HMMR: variants seen among roughly 807,000 people sequenced by gnomAD.
HMMR encodes the protein intracellular hyaluronic acid-binding protein.
A neutral mutation model predicts 101.0 loss-of-function variants in HMMR; 108 were observed. That is an observed-to-expected ratio of 1.07 (90% confidence interval 0.92 to 1.25). The LOEUF is 1.25. Among genes scored for constraint, HMMR ranks in the 50% most tolerant of loss-of-function variants. The pLI, the probability that HMMR is intolerant of heterozygous loss-of-function variation, is 0.00. For synonymous variants in HMMR, 296 were observed against 276.4 expected, an observed-to-expected ratio of 1.07 and a Z score of -0.70; for missense variants, 813 against 788.7, an observed-to-expected ratio of 1.03 and a Z score of -0.37.
intron 11 of HMMR, among the ~76,000 whole-genome samples, chr5:163,477,888 T>C (rs1023618906): frequency 6.6e-6 from 1 of 152,166 alleles, no homozygotes; most frequent in South Asian, 2.1e-4. Flanking sequence ...AACTCTTTAG[T>C]CATATTTGAT....
chr5:163,478,321 G>A (rs888720248), intron 11 of HMMR, among the ~76,000 whole-genome samples: 3 of 152,150 alleles, frequency 2.0e-5, no homozygotes, highest in Non-Finnish European at 2.9e-5. Flanking sequence ...TTTCTCAAGT[G>A]TCTAAATGGA....
chr5:163,471,566 C>A, intron 7 of HMMR, 103 bp downstream of exon 7: 1 of 704,118 alleles, frequency 1.4e-6, no homozygotes, highest in Admixed American at 2.7e-5. Context: ...TCTGTTAGTA[C>A]TTATCTCATT....
In HMMR at chr5:163,482,879, T is replaced by C. The variant is rs1759320517; in HGVS notation, c.1532+91T>C. The C allele has an allele frequency of 3.0e-6, 4 of 1,348,156 alleles. No individual in the cohort carries two copies. In the South Asian group the frequency reaches 4.0e-5, roughly 13 times the overall value. The allele number at this position is 1,348,156 out of a possible 1,614,324, so 83.5% of individuals were successfully genotyped here. A position where few individuals can be genotyped will look rare whatever the true frequency, so the allele number is the denominator to read the frequency against. ...CTGTCCCTTGGCTTGCTTTTGGCCATCTTATACTGCAAATTAAGAATTTAC... is the reference window on the plus strand; with the variant it reads ...CTGTCCCTTGGCTTGCTTTTGGCCACCTTATACTGCAAATTAAGAATTTAC... On this transcript the variant is annotated intron_variant, in intron 13 of 17. Coordinates refer to ENST00000393915, the MANE Select transcript of HMMR (RefSeq NM_001142556.2).
chr5:163,470,169 AAAAAC>A (rs1229711278), intron 5 of HMMR, among the ~76,000 whole-genome samples: 4 of 152,122 alleles, frequency 2.6e-5, no homozygotes, highest in Non-Finnish European at 4.4e-5. Context: ...CTCCATCTCA[AAAAAC>A]AAAACAAAAC....
chr5:163,472,981 A>C (rs1758943933), intron 7 of HMMR, among the ~76,000 whole-genome samples, 198 bp from the exon 8 acceptor site: 1 of 152,120 alleles, frequency 6.6e-6, no homozygotes, highest in Non-Finnish European at 1.5e-5. Flanking sequence ...TATTCAGAAA[A>C]CTTTCTCACT....
intron 16 of HMMR, chr5:163,489,158 G>A (rs533190472): frequency 6.6e-6 from 1 of 152,306 alleles, no homozygotes. Context: ...TCACAATAGG[G>A]TTCACACTGC....
intron 12 of HMMR, among the ~76,000 whole-genome samples, chr5:163,479,598 G>T (rs1759189770): frequency 6.6e-6 from 1 of 152,204 alleles, no homozygotes; most frequent in Non-Finnish European, 1.5e-5. Flanking sequence ...AGGAGTTCCA[G>T]GCTGCACTGA....
At chr5:163,490,358 T>C (rs1237293228) in intron 16 of HMMR, 32 bp from the exon 17 acceptor site, 1 of 1,407,864 alleles carries the variant, frequency 7.1e-7, no homozygotes, top group South Asian at 1.3e-5. Context: ...TCTTTAATAA[T>C]TGTTTATTAC....
intron 4 of HMMR, among the ~76,000 whole-genome samples, chr5:163,468,128 C>T (rs1390485038): frequency 6.6e-6 from 1 of 152,214 alleles, no homozygotes; most frequent in Non-Finnish European, 1.5e-5. Flanking sequence ...GCATGCAATC[C>T]TAGCTGGTTA....
At chr5:163,475,733 T>C (rs1351499115) in intron 11 of HMMR, 61 bp downstream of exon 11, 4 of 745,400 alleles carry the variant, frequency 5.4e-6, no homozygotes, top group Non-Finnish European at 8.5e-6. Flanking sequence ...TTTGAGTACT[T>C]TTTTTAGTAT....
chr5:163,471,076 A>G (rs1561638876), intron 5 of HMMR, 109 bp from the exon 6 acceptor site: 2 of 673,856 alleles, frequency 3.0e-6, no homozygotes, highest in East Asian at 2.7e-5. Context: ...AAGTATATTA[A>G]AGTCAAAAAC....
chr5:163,464,699 T>C, intron 2 of HMMR, 24 bp from the exon 3 acceptor site: 3 of 1,471,836 alleles, frequency 2.0e-6, no homozygotes, highest in Non-Finnish European at 2.9e-6. Flanking sequence ...TCAACCATGA[T>C]CTGTACAATT....
At chr5:163,475,761 G>C (rs1453110593) in intron 11 of HMMR, 89 bp downstream of exon 11, 13 of 547,702 alleles carry the variant, frequency 2.4e-5, no homozygotes, top group Admixed American at 3.7e-5. Flanking sequence ...TCAATCATGT[G>C]AGCGTGTTAG....
rs1758746884 is a variant in HMMR, at chr5:163,467,721, T to C, written c.246T>C (p.Asp82=). 2 of 1,534,428 alleles carry C rather than the reference T, an allele frequency of 1.3e-6. No individual in the cohort carries two copies. Among genetic ancestry groups the C allele is most frequent in the East Asian group, 4.5e-5 (2 of 44,152 alleles). Reference sequence around the variant, plus strand: ...AACAGAAGGAATCTCAAAAGAATGATAAAGATTTGAAGATATTAGAGAAAG... The same window carrying C: ...AACAGAAGGAATCTCAAAAGAATGACAAAGATTTGAAGATATTAGAGAAAG... ...SESKKESQKN[D]KDLKILEKEI... Residue 82 remains aspartate (D), a synonymous_variant, in exon 4 of 18, where the codon GAT becomes GAC. Coordinates refer to ENST00000393915, the MANE Select transcript of HMMR (RefSeq NM_001142556.2).
intron 7 of HMMR, 66 bp from the exon 8 acceptor site, chr5:163,473,113 A>G (rs756570498): frequency 2.5e-6 from 2 of 812,810 alleles, no homozygotes; most frequent in Non-Finnish European, 4.2e-6. Context: ...TCTGGTACAT[A>G]AGCATTATGT....
At position 163,490,384 on chromosome 5, in the gene HMMR, A is replaced by G. The variant is rs747938007; in HGVS notation, c.1963-6A>G. ...TGTTTATTACCTATTATTTCTTTTT[A>G]CCTAGGAAGTATCAAAACTCCGCTG... On this transcript the variant is annotated splice_region_variant and splice_polypyrimidine_tract_variant and intron_variant, in intron 16 of 17. Coordinates refer to ENST00000393915, the MANE Select transcript of HMMR (RefSeq NM_001142556.2). The G allele has an allele frequency of 3.3e-6, 5 of 1,534,760 alleles. No individual in the cohort carries two copies. The highest frequency in any genetic ancestry group is 4.4e-6 in the Non-Finnish European group (5 of 1,129,896).
intron 10 of HMMR, 89 bp downstream of exon 10, chr5:163,474,294 T>C: frequency 1.1e-6 from 1 of 930,022 alleles, no homozygotes; most frequent in South Asian, 1.6e-5. Context: ...TGTATATCCT[T>C]TGATCTACCA....
chr5:163,480,720 A>G (rs1030431761), intron 12 of HMMR, among the ~76,000 whole-genome samples: 4 of 152,142 alleles, frequency 2.6e-5, no homozygotes, highest in African/African-American at 7.2e-5. Context: ...TTAGTGTAAA[A>G]TGGCTTCTTA....
intron 5 of HMMR, chr5:163,470,039 G>A (rs1182142490): frequency 1.1e-5 from 4 of 363,534 alleles, no homozygotes; most frequent in Non-Finnish European, 2.0e-5. Flanking sequence ...CTATTGGCGG[G>A]CGCCTGTAAT....
Sources: allele counts gnomAD v4.1 joint callset (sites outside exome capture counted in the v4.1 genomes callset), GRCh38; gene constraint gnomAD v4.1.1; transcripts MANE v1.5; gene names NCBI Gene and HGNC (gene_info 2026-07-23, HGNC 2026-07-21).